Variants in TUSC3 observed in about 807,000 individuals in gnomAD.
TUSC3 encodes the protein tumor suppressor candidate 3, also known as dolichyl-diphosphooligosaccharide--protein glycosyltransferase subunit TUSC3.
In TUSC3, 45 loss-of-function variants were observed where a neutral mutation model predicts 44.8. The ratio of observed to expected loss-of-function variants is 1.00; its 90% CI spans 0.79 to 1.29. The LOEUF is 1.29. TUSC3 is among the 50% of genes most tolerant of loss of function. TUSC3 has a pLI of 0.00. For synonymous variants in TUSC3, 212 were observed against 152.9 expected (o/e 1.39, Z -2.85); for missense variants, 519 against 437.9 (o/e 1.19, Z -1.65).
At position 15,757,990 on chromosome 8, in the gene TUSC3, C is replaced by A. The variant is rs376033880; in HGVS notation, c.*46+135C>A. On this transcript the variant is annotated intron_variant, in intron 10 of 10. Transcript: ENST00000503731. ...TAAGATAACTTTTAACTGTGAGATT[C>A]CATATTCCAGTCTTACATTATTATG... 4.4e-5 allele frequency: 65 copies of A among 1,468,746 alleles called. No individual in the cohort carries two copies. In the African/African-American group the frequency reaches 6.8e-4, roughly 15 times the overall value. The allele number at this position is 1,468,746 out of a possible 1,614,324, so 91.0% of individuals were successfully genotyped here. A position where few individuals can be genotyped will look rare whatever the true frequency, so the allele number is the denominator to read the frequency against.
At chr8:15,748,536 TA>T (rs1367129211) in intron 9 of TUSC3, 71 bp downstream of exon 9, 11 of 1,312,788 alleles carry the variant, frequency 8.4e-6, no homozygotes, top group Non-Finnish European at 1.2e-5. Flanking sequence ...GGTTAATATA[TA>T]ATTAAGGATG....
At chr8:15,637,429 T>G (rs552661543) in intron 2 of TUSC3, among the ~76,000 whole-genome samples, 2 of 152,312 alleles carry the variant, frequency 1.3e-5, no homozygotes, top group South Asian at 4.1e-4. Context: ...TATCGTCTTT[T>G]GTTTTTTATT....
At chr8:15,582,029 C>T (rs563207938) in intron 1 of TUSC3, among the ~76,000 whole-genome samples, 22 of 152,110 alleles carry the variant, frequency 1.4e-4, no homozygotes, top group South Asian at 1.2e-3. Context: ...CTTTTTAAGC[C>T]GGTCTGAAAA....
chr8:15,540,697 G>C, intron 1 of TUSC3, 129 bp downstream of exon 1: 2 of 1,301,182 alleles, frequency 1.5e-6, no homozygotes, highest in South Asian at 1.6e-5. Context: ...GCTGGGGCGG[G>C]AGCCGCGAGG....
At chr8:15,464,269 A>C (rs553994544) in intron 1 of TUSC3, among the ~76,000 whole-genome samples, 4 of 152,298 alleles carry the variant, frequency 2.6e-5, no homozygotes, top group African/African-American at 9.6e-5. Context: ...AGTCTTATTA[A>C]ATTACTCCAA....
chr8:15,434,576 A>T (rs1799920727), intron 1 of TUSC3, among the ~76,000 whole-genome samples: 1 of 147,976 alleles, frequency 6.8e-6, no homozygotes, highest in South Asian at 2.1e-4. Flanking sequence ...ACCTGTGCAC[A>T]ACATGGTGGT....
chr8:15,527,353 A>C (rs1801387128), intron 2 of TUSC3, among the ~76,000 whole-genome samples: 1 of 151,950 alleles, frequency 6.6e-6, no homozygotes, highest in Admixed American at 6.6e-5. Context: ...AGTAGCTGGG[A>C]TTACAGGTGC....
At chr8:15,747,479 A>T (rs970873217) in intron 8 of TUSC3, among the ~76,000 whole-genome samples, 1 of 151,946 alleles carries the variant, frequency 6.6e-6, no homozygotes, top group Non-Finnish European at 1.5e-5. Flanking sequence ...TTTATTCTAA[A>T]CGTACTTTAA....
chr8:15,506,606 G>A (rs774135400), intron 2 of TUSC3, among the ~76,000 whole-genome samples: 1 of 152,144 alleles, frequency 6.6e-6, no homozygotes, highest in Admixed American at 6.5e-5. Context: ...GCAAAGACAC[G>A]CCTTACATGG....
intron 1 of TUSC3, among the ~76,000 whole-genome samples, chr8:15,429,450 C>T (rs1465937206): frequency 2.3e-4 from 35 of 150,358 alleles, no homozygotes; most frequent in Admixed American, 3.3e-4. Flanking sequence ...CTTGGCAATG[C>T]GGGCTCTTTT....
chr8:15,696,197 T>C (rs912076528), intron 6 of TUSC3, among the ~76,000 whole-genome samples: 6 of 152,050 alleles, frequency 3.9e-5, no homozygotes, highest in African/African-American at 1.4e-4. Context: ...GGGCTCAGGG[T>C]CCTCGTGCTG....
chr8:15,521,122 C>G (rs1343413478), intron 2 of TUSC3, among the ~76,000 whole-genome samples: 1 of 152,152 alleles, frequency 6.6e-6, no homozygotes, highest in Admixed American at 6.5e-5. Context: ...TGCTAGAGAT[C>G]CATGCCACCT....
intron 1 of TUSC3, among the ~76,000 whole-genome samples, chr8:15,420,328 C>G (rs557305158): frequency 5.3e-4 from 80 of 152,056 alleles, no homozygotes; most frequent in African/African-American, 1.8e-3. Flanking sequence ...GAAACCTCGT[C>G]TCTACTAAAA....
chr8:15,828,760 C>G, the TUSC3 span, among the ~76,000 whole-genome samples: 18 of 152,284 alleles, frequency 1.2e-4, no homozygotes, highest in African/African-American at 3.8e-4. Flanking sequence ...ATATTTATAT[C>G]TTGGTGGAAT....
At chr8:15,461,930 G>A (rs1312487130) in intron 1 of TUSC3, among the ~76,000 whole-genome samples, 1 of 151,984 alleles carries the variant, frequency 6.6e-6, no homozygotes, top group East Asian at 1.9e-4. Context: ...GATATGTGGT[G>A]ATTATAGCAA....
At chr8:15,733,653 A>G (rs1184622261) in intron 7 of TUSC3, 1 of 155,738 alleles carries the variant, frequency 6.4e-6, no homozygotes, top group Admixed American at 6.5e-5. Flanking sequence ...TTATGCTAAT[A>G]GTCATTATTT....
chr8:15,740,662 T>A (rs778441068), intron 7 of TUSC3, among the ~76,000 whole-genome samples: 1 of 152,316 alleles, frequency 6.6e-6, no homozygotes, highest in East Asian at 1.9e-4. Flanking sequence ...TGGGTAGTAT[T>A]GTGTTAGTGA....
rs919958224 is a variant in TUSC3, at chr8:15,650,936, G to C, written c.426+122G>C. ...ACCTGGGAGGCGGAGGTTGCAGTGAGCCGAGATTGTGCCACTGCATTCCAG... is the reference window on the plus strand; with the variant it reads ...ACCTGGGAGGCGGAGGTTGCAGTGACCCGAGATTGTGCCACTGCATTCCAG... On this transcript the variant is annotated intron_variant, in intron 3 of 10. Transcript: ENST00000503731. 3.1e-6 allele frequency: 3 copies of C among 977,354 alleles called. No individual in the cohort carries two copies. The African/African-American group carries it at 4.8e-5, about 16-fold the overall frequency. The allele number at this position is 977,354 out of a possible 1,614,324, so 60.5% of individuals were successfully genotyped here.
chr8:15,449,414 C>A (rs957704699), intron 1 of TUSC3, among the ~76,000 whole-genome samples: 1 of 152,122 alleles, frequency 6.6e-6, no homozygotes, highest in Non-Finnish European at 1.5e-5. Flanking sequence ...AACTGCACAT[C>A]CTCCATAGAG....
Sources: gnomAD v4.1 joint callset for allele counts (sites outside exome capture counted in the v4.1 genomes callset) on GRCh38, gnomAD v4.1.1 for gene constraint, MANE v1.5 for transcripts, NCBI Gene and HGNC (gene_info 2026-07-23, HGNC 2026-07-21) for gene names.